Variants in HTR7 observed in about 807,000 individuals in gnomAD.
The protein encoded by HTR7 is 5-HT-7.
In HTR7, 16 loss-of-function variants were observed where a neutral mutation model predicts 34.0. The ratio of observed to expected loss-of-function variants is 0.47; its 90% CI spans 0.32 to 0.71. HTR7 has a LOEUF of 0.71. Among genes scored for constraint, HTR7 ranks in the 30% least tolerant of loss-of-function variants. The pLI is 0.04. For synonymous variants in HTR7, 265 were observed against 260.2 expected (o/e 1.02, Z -0.18); for missense variants, 504 against 625.5 (o/e 0.81, Z 2.07).
At chr10:90,815,140 G>A (rs771506941) in intron 1 of HTR7, among the ~76,000 whole-genome samples, 2 of 149,890 alleles carry the variant, frequency 1.3e-5, no homozygotes, top group Non-Finnish European at 1.5e-5. Context: ...TGCCCAGGCT[G>A]AAGTGCGGTG....
intron 1 of HTR7, among the ~76,000 whole-genome samples, chr10:90,806,324 C>T (rs1174544306): frequency 3.3e-5 from 5 of 152,142 alleles, no homozygotes; most frequent in African/African-American, 7.2e-5. Context: ...GTAGGCTGGG[C>T]GCGGTGGCTC....
At chr10:90,786,353 T>C (rs1297208446) in intron 1 of HTR7, among the ~76,000 whole-genome samples, 1 of 152,062 alleles carries the variant, frequency 6.6e-6, no homozygotes, top group East Asian at 1.9e-4. Flanking sequence ...TGGTTCTCTA[T>C]GCAGGCCACT....
intron 1 of HTR7, among the ~76,000 whole-genome samples, chr10:90,824,755 G>A (rs1846043934): frequency 6.6e-6 from 1 of 152,270 alleles, no homozygotes; most frequent in Non-Finnish European, 1.5e-5. Flanking sequence ...TGGGCCTGGG[G>A]TAATGGTGGC....
chr10:90,781,624 C>T (rs112563381), intron 1 of HTR7, among the ~76,000 whole-genome samples: 1 of 152,192 alleles, frequency 6.6e-6, no homozygotes, highest in African/African-American at 2.4e-5. Flanking sequence ...AATAAAAAAT[C>T]TGATTTCAAA....
chr10:90,790,018 C>T (rs1429759126), intron 1 of HTR7, among the ~76,000 whole-genome samples: 6 of 152,120 alleles, frequency 3.9e-5, no homozygotes, highest in African/African-American at 1.4e-4. Flanking sequence ...ACACCCTACA[C>T]ATTGTACTGG....
chr10:90,770,701 G>T (rs1845095946), intron 1 of HTR7, among the ~76,000 whole-genome samples: 1 of 152,244 alleles, frequency 6.6e-6, no homozygotes, highest in Non-Finnish European at 1.5e-5. Flanking sequence ...AACAAGCACT[G>T]CAGGGAAGCC....
rs936295792 is a variant in HTR7 at position 90,742,323 on chromosome 10, C to T, written c.*159G>A. 4 of 545,698 alleles carry T rather than the reference C, an allele frequency of 7.3e-6. No individual in the cohort carries two copies. In the Admixed American group the frequency reaches 1.3e-4, roughly 18 times the overall value. 33.8% of individuals were successfully genotyped at this position (545,698 alleles called of 1,614,324 possible). A position where few individuals can be genotyped will look rare whatever the true frequency, so the allele number is the denominator to read the frequency against. Reference sequence around the variant, plus strand: ...GAAAAAAGGAGAAGTCACCATCTCCCTCATAAGATAGTGTGTACAACAGAT... The same window carrying T: ...GAAAAAAGGAGAAGTCACCATCTCCTTCATAAGATAGTGTGTACAACAGAT... On this transcript the variant is annotated 3_prime_UTR_variant, in exon 4 of 4. Transcript: ENST00000336152.
At chr10:90,772,105 G>A (rs536104073) in intron 1 of HTR7, among the ~76,000 whole-genome samples, 109 of 151,942 alleles carry the variant, frequency 7.2e-4, no homozygotes, top group Middle Eastern at 3.4e-3. Context: ...TTTATTAAGC[G>A]TACTATATTC....
chr10:90,845,518 G>C (rs1846402200), intron 1 of HTR7, among the ~76,000 whole-genome samples: 3 of 152,288 alleles, frequency 2.0e-5, no homozygotes, highest in Middle Eastern at 3.4e-3. Context: ...TTGACCAGCA[G>C]AGTCACTCAA....
rs1279347012 is a variant in HTR7, at chr10:90,770,576, C to T, written c.540-20982G>A. Among the ~76,000 whole-genome samples the T allele has an allele frequency of 6.6e-5, 10 of 152,316 alleles. No individual in the cohort carries two copies. The East Asian group carries it at 9.7e-4, about 15-fold the overall frequency. On this transcript the variant is annotated intron_variant, in intron 1 of 3. Coordinates refer to ENST00000336152, the MANE Select transcript of HTR7 (RefSeq NM_019859.4). ...CCCAGTGCCTGCTCCCATCTCAGAGCGGGATTGGGGCCGAGCCCGGGCACT... is the reference window on the plus strand; with the variant it reads ...CCCAGTGCCTGCTCCCATCTCAGAGTGGGATTGGGGCCGAGCCCGGGCACT...
chr10:90,749,622 T>A lies in HTR7; in HGVS notation c.540-28A>T. 6.3e-7 allele frequency: 1 copy of A among 1,575,524 alleles called. No homozygotes were observed. Among genetic ancestry groups the A allele is most frequent in the Non-Finnish European group, 8.6e-7 (1 of 1,159,304 alleles). On this transcript the variant is annotated intron_variant, in intron 1 of 3. Coordinates refer to ENST00000336152, the MANE Select transcript of HTR7 (RefSeq NM_019859.4). This position sits in a 1 kb window ranked among gnomAD's most constrained non-coding sequence, Gnocchi z 4.2. ...AGTGGAGAGATGGAAAGATAACAGATGAACACCGTGATCATAACTGGTCAA... is the reference window on the plus strand; with the variant it reads ...AGTGGAGAGATGGAAAGATAACAGAAGAACACCGTGATCATAACTGGTCAA...
chr10:90,812,724 CCATA>C (rs1845833529), intron 1 of HTR7, among the ~76,000 whole-genome samples: 1 of 152,160 alleles, frequency 6.6e-6, no homozygotes, highest in East Asian at 1.9e-4. Flanking sequence ...TTCTCTCTCT[CCATA>C]CCACCCCCCA....
chr10:90,854,348 T>C lies in HTR7; in HGVS notation c.539+2785A>G, dbSNP rs949727658. On this transcript the variant is annotated intron_variant, in intron 1 of 3. Transcript: ENST00000336152. ...CAGCCTGGGTAACAGAGTGAGATTC[T>C]GTCCCCCTCCACCTCACTCCCCCCA... Among the ~76,000 whole-genome samples the C allele has an allele frequency of 6.6e-5, 10 of 152,112 alleles. No homozygotes were observed. In the East Asian group the frequency reaches 1.5e-3, roughly 23 times the overall value.
At chr10:90,823,338 G>T (rs1002149881) in intron 1 of HTR7, among the ~76,000 whole-genome samples, 2 of 152,230 alleles carry the variant, frequency 1.3e-5, no homozygotes, top group Non-Finnish European at 2.9e-5. Context: ...ATGAGACATG[G>T]AGTCAAAGAA....
rs1844545977 is a variant in HTR7, at chr10:90,741,601, C to T, written c.*881G>A. The T allele has an allele frequency of 6.6e-6, 1 of 152,348 alleles. No homozygotes were observed. The highest frequency in any genetic ancestry group is 2.4e-5 in the African/African-American group (1 of 41,454). 9.4% of individuals were successfully genotyped at this position (152,348 alleles called of 1,614,324 possible). On this transcript the variant is annotated 3_prime_UTR_variant, in exon 4 of 4. Transcript: ENST00000336152. ...ACATTTCATGGAAAACCCATCATTCCCACACTTCTTCCACATAACATACAG... is the reference window on the plus strand; with the variant it reads ...ACATTTCATGGAAAACCCATCATTCTCACACTTCTTCCACATAACATACAG...
chr10:90,826,830 G>A (rs529428060), intron 1 of HTR7, among the ~76,000 whole-genome samples: 79 of 152,014 alleles, frequency 5.2e-4, no homozygotes, highest in African/African-American at 1.3e-3. Context: ...CCAGCTGCTC[G>A]GGAGGCTGAG....
intron 1 of HTR7, among the ~76,000 whole-genome samples, chr10:90,812,888 TG>T (rs1845837662): frequency 1.3e-5 from 2 of 152,206 alleles, no homozygotes; most frequent in African/African-American, 4.8e-5. Flanking sequence ...CTGAAGTAAC[TG>T]AAGAATCACA....
chr10:90,855,647 G>A (rs965314546), intron 1 of HTR7, among the ~76,000 whole-genome samples: 1 of 152,090 alleles, frequency 6.6e-6, no homozygotes, highest in African/African-American at 2.4e-5. Flanking sequence ...CCTAATTCCA[G>A]TTGCCACAGT....
At chr10:90,790,472 C>G (rs570722012) in intron 1 of HTR7, among the ~76,000 whole-genome samples, 2 of 152,296 alleles carry the variant, frequency 1.3e-5, no homozygotes, top group African/African-American at 4.8e-5. Flanking sequence ...ATACAATCCT[C>G]TGGCATTTGT....
Sources: allele counts gnomAD v4.1 joint callset (sites outside exome capture counted in the v4.1 genomes callset), GRCh38; gene constraint gnomAD v4.1.1; non-coding constraint Gnocchi (gnomAD v3.1); transcripts MANE v1.5; gene names NCBI Gene and HGNC (gene_info 2026-07-23, HGNC 2026-07-21).